Variants in NPY2R observed in about 807,000 individuals in gnomAD.
NPY2R encodes neuropeptide Y receptor Y2.
Under a neutral mutation model 22.3 loss-of-function variants are expected in NPY2R, and 17 were observed. The observed-to-expected ratio is 0.76, with a 90% CI of 0.52 to 1.14. The LOEUF (loss-of-function observed/expected upper bound fraction) is 1.14. NPY2R is among the 50% of genes most tolerant of loss of function. NPY2R has a pLI of 0.00. For synonymous variants in NPY2R, 209 were observed against 183.4 expected (o/e 1.14, Z -1.13); for missense variants, 424 against 467.9 (o/e 0.91, Z 0.87).
intron 1 of NPY2R, among the ~76,000 whole-genome samples, chr4:155,212,965 T>C (rs535528455): frequency 3.3e-5 from 5 of 152,312 alleles, no homozygotes; most frequent in African/African-American, 1.2e-4. Flanking sequence ...AAAAGAATGA[T>C]ATGATGTCTT....
the NPY2R span, among the ~76,000 whole-genome samples, chr4:155,190,032 A>C: frequency 6.6e-6 from 1 of 152,034 alleles, no homozygotes; most frequent in Non-Finnish European, 1.5e-5. Flanking sequence ...ATCAGGGCTA[A>C]TGCTTAGATT....
the NPY2R span, among the ~76,000 whole-genome samples, chr4:155,196,375 C>A: frequency 6.6e-6 from 1 of 151,804 alleles, no homozygotes; most frequent in Non-Finnish European, 1.5e-5. Context: ...AAGGAGTCAT[C>A]AGTGATGGCA....
chr4:155,181,349 T>C, the NPY2R span, among the ~76,000 whole-genome samples: 1 of 152,182 alleles, frequency 6.6e-6, no homozygotes, highest in Non-Finnish European at 1.5e-5. Context: ...ATTTAGGATG[T>C]TATCACCAGT....
chr4:155,181,428 A>G, the NPY2R span, among the ~76,000 whole-genome samples: 1 of 152,090 alleles, frequency 6.6e-6, no homozygotes, highest in African/African-American at 2.4e-5. Context: ...CCAACCATTC[A>G]CCTATCTCTT....
the NPY2R span, among the ~76,000 whole-genome samples, chr4:155,198,084 T>C: frequency 2.0e-5 from 3 of 151,982 alleles, no homozygotes; most frequent in African/African-American, 4.8e-5. Flanking sequence ...ATACTGACCC[T>C]GTGAAATAGC....
chr4:155,198,377 C>T, the NPY2R span, among the ~76,000 whole-genome samples: 106,442 of 149,330 alleles, frequency 0.71, 39,553 homozygotes, highest in East Asian at 0.94. Flanking sequence ...TCAAACCAAA[C>T]ACCAAATTGG....
At chr4:155,205,804 G>GCTATCTAT (rs3836609), upstream of NPY2R, among the ~76,000 whole-genome samples, 12,753 of 146,928 alleles carry the variant, frequency 0.087, 593 homozygotes, top group East Asian at 0.11. Flanking sequence ...GAGTCAGGCT[G>GCTATCTAT]CTATCTATCT....
upstream of NPY2R, among the ~76,000 whole-genome samples, chr4:155,205,531 A>G (rs573486865): frequency 1.3e-5 from 2 of 152,288 alleles, no homozygotes; most frequent in East Asian, 3.9e-4. Context: ...TCATCTAGCT[A>G]TCTAAAATAT....
the NPY2R span, among the ~76,000 whole-genome samples, chr4:155,188,608 C>T: frequency 6.6e-6 from 1 of 152,106 alleles, no homozygotes; most frequent in African/African-American, 2.4e-5. Flanking sequence ...CTAGCAGACT[C>T]TTTCCCTTGC....
the NPY2R span, among the ~76,000 whole-genome samples, chr4:155,191,831 G>A: frequency 1.1e-3 from 173 of 151,922 alleles, no homozygotes; most frequent in African/African-American, 3.2e-3. Context: ...CCTTTGGAGC[G>A]AGAACTGTCA....
chr4:155,183,768 A>C, the NPY2R span, among the ~76,000 whole-genome samples: 2 of 152,196 alleles, frequency 1.3e-5, no homozygotes, highest in Admixed American at 6.5e-5. Flanking sequence ...CCTGCTCTGC[A>C]CAGTGCTTGC....
At chr4:155,193,527 T>G in the NPY2R span, among the ~76,000 whole-genome samples, 1 of 151,864 alleles carries the variant, frequency 6.6e-6, no homozygotes, top group African/African-American at 2.4e-5. Flanking sequence ...CAGAGGGAAA[T>G]CTACTTTCCT....
At chr4:155,179,826 C>T in the NPY2R span, among the ~76,000 whole-genome samples, 1 of 151,680 alleles carries the variant, frequency 6.6e-6, no homozygotes, top group African/African-American at 2.4e-5. Flanking sequence ...GATCTGGTCT[C>T]CATCTCCTCA....
At chr4:155,188,074 T>C in the NPY2R span, among the ~76,000 whole-genome samples, 37 of 152,278 alleles carry the variant, frequency 2.4e-4, no homozygotes, top group African/African-American at 8.9e-4. Flanking sequence ...CCACTTTTTT[T>C]TGAGGCCCTA....
the NPY2R span, among the ~76,000 whole-genome samples, chr4:155,201,570 T>G: frequency 1.3e-5 from 2 of 152,108 alleles, no homozygotes; most frequent in Non-Finnish European, 2.9e-5. Context: ...CCACTGAGTT[T>G]TGGGGTAGTT....
chr4:155,205,121 A>G (rs920675893), upstream of NPY2R, among the ~76,000 whole-genome samples: 1 of 152,206 alleles, frequency 6.6e-6, no homozygotes, highest in Non-Finnish European at 1.5e-5. Context: ...ATTCAAATTA[A>G]CTACAACTCA....
chr4:155,190,103 T>A, the NPY2R span, among the ~76,000 whole-genome samples: 1 of 152,056 alleles, frequency 6.6e-6, no homozygotes, highest in East Asian at 1.9e-4. Context: ...GACACTTAAA[T>A]GTTTTTAAAA....
chr4:155,182,010 G>A, the NPY2R span, among the ~76,000 whole-genome samples: 1 of 152,172 alleles, frequency 6.6e-6, no homozygotes, highest in African/African-American at 2.4e-5. Flanking sequence ...CAGGTGCAAA[G>A]TGAGTGTGGT....
upstream of NPY2R, among the ~76,000 whole-genome samples, chr4:155,205,634 G>C (rs1729268565): frequency 6.6e-6 from 1 of 152,100 alleles, no homozygotes; most frequent in Non-Finnish European, 1.5e-5. Context: ...TTACTTATTT[G>C]GCAACTAATC....
Sources: allele counts gnomAD v4.1 joint callset (sites outside exome capture counted in the v4.1 genomes callset), GRCh38; gene constraint gnomAD v4.1.1; transcripts MANE v1.5; gene names NCBI Gene and HGNC (gene_info 2026-07-23, HGNC 2026-07-21).